The following VANGL1 variants were observed in gnomAD, a reference collection of about 807,000 sequenced individuals.
VANGL1 encodes VANGL planar cell polarity protein 1, also known as vang-like protein 1.
VANGL1 carries 18 observed loss-of-function variants against 48.4 expected under a neutral mutation model. The ratio of observed to expected loss-of-function variants is 0.37; its 90% CI spans 0.26 to 0.55. The LOEUF is 0.55. VANGL1 is among the 20% of genes least tolerant of loss of function. VANGL1 has a pLI of 0.81. For synonymous variants in VANGL1, 257 were observed against 261.8 expected (o/e 0.98, Z 0.18); for missense variants, 667 against 675.8 (o/e 0.99, Z 0.14).
chr1:115,691,397 C>A lies in VANGL1; in HGVS notation c.*18C>A. 2 of 1,598,662 alleles carry A rather than the reference C, an allele frequency of 1.3e-6. No individual in the cohort carries two copies. Among genetic ancestry groups the A allele is most frequent in the South Asian group, 1.1e-5 (1 of 86,990 alleles). On this transcript the variant is annotated 3_prime_UTR_variant, in exon 8 of 8. Coordinates refer to ENST00000355485, the MANE Select transcript of VANGL1 (RefSeq NM_138959.3). ...CCGTTTAAAAGTTCTATATTTGTGG[C>A]TTTATTAAAAAAAAAAGAAAAATAT... is the stretch of plus-strand genomic sequence containing the variant.
intron 4 of VANGL1, among the ~76,000 whole-genome samples, chr1:115,668,592 A>C (rs1205460978): frequency 2.0e-5 from 3 of 152,266 alleles, no homozygotes; most frequent in Admixed American, 2.0e-4. Context: ...AAAACAACCA[A>C]TTCAGTATTT....
At chr1:115,661,292 C>T (rs953318032) in intron 3 of VANGL1, among the ~76,000 whole-genome samples, 16 of 152,118 alleles carry the variant, frequency 1.1e-4, no homozygotes, top group Admixed American at 2.6e-4. Flanking sequence ...TTTAGGCATA[C>T]ATGTGCACCC....
Position 115,691,104 on chromosome 1 carries a change from C to T in VANGL1, c.1315-15C>T. Reference sequence around the variant, plus strand: ...GGCTGTTTCTTCCCTAATGGCCTTTCTCCTCTGCTTCCAGGCCTTCCTAGA... The same window carrying T: ...GGCTGTTTCTTCCCTAATGGCCTTTTTCCTCTGCTTCCAGGCCTTCCTAGA... On this transcript the variant is annotated splice_polypyrimidine_tract_variant and intron_variant, in intron 7 of 7. Transcript: ENST00000355485. 1.2e-6 allele frequency: 2 copies of T among 1,614,166 alleles called. No individual in the cohort carries two copies. Among genetic ancestry groups the T allele is most frequent in the East Asian group, 2.2e-5 (1 of 44,864 alleles).
intron 2 of VANGL1, among the ~76,000 whole-genome samples, chr1:115,653,881 T>A (rs1333267499): frequency 6.6e-6 from 1 of 152,198 alleles, no homozygotes; most frequent in African/African-American, 2.4e-5. Context: ...CTTAGAGATT[T>A]GTAGGTGCAC....
At position 115,670,484 on chromosome 1, in the gene VANGL1, C is replaced by A. The variant is rs1391076388; in HGVS notation, c.812+6216C>A. Among the ~76,000 whole-genome samples the A allele has an allele frequency of 4.6e-5, 7 of 152,178 alleles. No homozygotes were observed. In the East Asian group the frequency reaches 1.3e-3, roughly 29 times the overall value. ...TAGTTTTAAGTGACAAAGGGAGAGTCTTCTAGGGATGTTAAAGTTACTCCA... is the reference window on the plus strand; with the variant it reads ...TAGTTTTAAGTGACAAAGGGAGAGTATTCTAGGGATGTTAAAGTTACTCCA... On this transcript the variant is annotated intron_variant, in intron 4 of 7. Coordinates refer to ENST00000355485, the MANE Select transcript of VANGL1 (RefSeq NM_138959.3).
At chr1:115,666,521 G>T (rs1285445366) in intron 4 of VANGL1, among the ~76,000 whole-genome samples, 3 of 152,178 alleles carry the variant, frequency 2.0e-5, no homozygotes, top group Admixed American at 2.0e-4. Context: ...TGGCTCCCAG[G>T]CTTGCTGCAA....
intron 2 of VANGL1, among the ~76,000 whole-genome samples, chr1:115,658,905 GC>G (rs1652442302): frequency 6.6e-6 from 1 of 152,010 alleles, no homozygotes; most frequent in Non-Finnish European, 1.5e-5. Context: ...TGATGCAGCA[GC>G]CTGCTTTCCT....
intron 1 of VANGL1, among the ~76,000 whole-genome samples, chr1:115,649,359 T>C (rs1029728864): frequency 2.0e-5 from 3 of 152,154 alleles, no homozygotes; most frequent in Non-Finnish European, 2.9e-5. Flanking sequence ...TCTCTGAGGC[T>C]CCAAGGAGAA....
In VANGL1 at chr1:115,684,047, T is replaced by C. The variant is rs147220426; in HGVS notation, c.1050T>C (p.His350=). The change falls in exon 6 of 8, where the codon CAT becomes CAC. Residue 350 remains histidine, a synonymous_variant. Transcript: ENST00000355485. ...AGTTGTATTATGAAGAGGCCGAACATGAACGGCGAGTAAAGAAGCGGAAAG... is the reference window on the plus strand; with the variant it reads ...AGTTGTATTATGAAGAGGCCGAACACGAACGGCGAGTAAAGAAGCGGAAAG... ...HNELYYEEAE[H]ERRVKKRKAR... 7.1e-4 allele frequency: 1,140 copies of C among 1,614,052 alleles called. 3 individuals carry two copies. Among genetic ancestry groups the C allele is most frequent in the Non-Finnish European group, 8.7e-4 (1,021 of 1,179,954 alleles).
At chr1:115,673,927 A>G (rs1333940029) in intron 4 of VANGL1, among the ~76,000 whole-genome samples, 21 of 152,076 alleles carry the variant, frequency 1.4e-4, no homozygotes, top group Admixed American at 1.4e-3. Context: ...GGATACCAGA[A>G]TGACTCTACC....
intron 4 of VANGL1, among the ~76,000 whole-genome samples, chr1:115,673,056 T>G (rs1653041752): frequency 6.6e-6 from 1 of 152,188 alleles, no homozygotes; most frequent in African/African-American, 2.4e-5. Context: ...CAACTTGTAT[T>G]GGGGATTCTG....
In VANGL1 at chr1:115,690,090, C is replaced by T. The variant is rs1376033026; in HGVS notation, c.1315-1029C>T. 2.2e-5 allele frequency among the ~76,000 whole-genome samples: 3 copies of T among 138,452 alleles called. 1 individual carries two copies. The South Asian group carries it at 7.3e-4, about 34-fold the overall frequency. The allele number at this position is 138,452 out of a possible 152,430, so 90.8% of individuals were successfully genotyped here. ...ATCAGTGTATTTATTTGATTTAATTCGCATGCTGTCAAACTCCTAGTATGT... is the reference window on the plus strand; with the variant it reads ...ATCAGTGTATTTATTTGATTTAATTTGCATGCTGTCAAACTCCTAGTATGT... On this transcript the variant is annotated intron_variant, in intron 7 of 7. Coordinates refer to ENST00000355485, the MANE Select transcript of VANGL1 (RefSeq NM_138959.3).
intron 1 of VANGL1, among the ~76,000 whole-genome samples, chr1:115,646,125 T>G (rs1427064018): frequency 1.3e-5 from 2 of 152,194 alleles, no homozygotes; most frequent in East Asian, 3.8e-4. Context: ...TAGGAGAGAA[T>G]TCTGTTTGAG....
In VANGL1 at chr1:115,687,346, CAT is replaced by C. The variant is rs760535602; in HGVS notation, c.1314+1820_1314+1821del. On this transcript the variant is annotated intron_variant, in intron 7 of 7. Coordinates refer to ENST00000355485, the MANE Select transcript of VANGL1 (RefSeq NM_138959.3). ...AGTTACAAGAAATAGAATGCAGAAA[CAT>C]GTGAATACTGTGGTTGCAAATGAGG... Among the ~76,000 whole-genome samples, 10 of 138,604 alleles carry C rather than the reference CAT, an allele frequency of 7.2e-5. 2 individuals are homozygous for C. The highest frequency in any genetic ancestry group is 1.4e-4 in the Non-Finnish European group (9 of 63,344). 90.9% of individuals were successfully genotyped at this position (138,604 alleles called of 152,430 possible). A position where few individuals can be genotyped will look rare whatever the true frequency, so the allele number is the denominator to read the frequency against.
chr1:115,682,403 C>T lies in VANGL1; in HGVS notation c.852C>T (p.Tyr284=), dbSNP rs1291730223. The part of the protein sequence containing the change: ...RAALVVLENY[Y]KDFTIYNPNL... ...CATTGGTGGTCCTAGAAAATTACTA[C>T]AAAGATTTCACCATCTATAACCCAA... The change falls in exon 5 of 8, where the codon TAC becomes TAT. Residue 284 remains tyrosine (Y), a synonymous_variant. Coordinates refer to ENST00000355485, the MANE Select transcript of VANGL1 (RefSeq NM_138959.3). 6.2e-7 allele frequency: 1 copy of T among 1,614,038 alleles called. No homozygotes were observed. Among genetic ancestry groups the T allele is most frequent in the Non-Finnish European group, 8.5e-7 (1 of 1,180,028 alleles).
At chr1:115,646,653 C>T (rs1245222705) in intron 1 of VANGL1, among the ~76,000 whole-genome samples, 1 of 151,994 alleles carries the variant, frequency 6.6e-6, no homozygotes. Flanking sequence ...TGCCACAAAA[C>T]CCTTCATTCA....
At chr1:115,652,481 A>T (rs1557762688) in intron 2 of VANGL1, among the ~76,000 whole-genome samples, 1 of 152,208 alleles carries the variant, frequency 6.6e-6, no homozygotes, top group East Asian at 1.9e-4. Context: ...CCTCTCCTAC[A>T]GGGCTGTTGA....
chr1:115,643,035 C>G (rs1443398383), intron 1 of VANGL1, among the ~76,000 whole-genome samples: 3 of 152,180 alleles, frequency 2.0e-5, no homozygotes, highest in African/African-American at 7.2e-5. Flanking sequence ...GCCCACGCTG[C>G]GAAGGTGTTG....
At chr1:115,686,007 A>G (rs553624988) in intron 7 of VANGL1, among the ~76,000 whole-genome samples, 10 of 152,284 alleles carry the variant, frequency 6.6e-5, no homozygotes, top group Non-Finnish European at 1.2e-4. Flanking sequence ...CAACATATAA[A>G]CAGAGGTCCT....
Sources: gnomAD v4.1 joint callset for allele counts (sites outside exome capture counted in the v4.1 genomes callset) on GRCh38, gnomAD v4.1.1 for gene constraint, MANE v1.5 for transcripts, NCBI Gene and HGNC (gene_info 2026-07-23, HGNC 2026-07-21) for gene names.